ARNT2: variants seen among roughly 807,000 people sequenced by gnomAD.
ARNT2 encodes aryl hydrocarbon receptor nuclear translocator 2.
ARNT2 carries 36 observed loss-of-function variants against 91.7 expected under a neutral mutation model. That is an observed-to-expected ratio of 0.39 (90% CI 0.30 to 0.52). The LOEUF (loss-of-function observed/expected upper bound fraction) is 0.52, where lower values mean the gene tolerates loss of function less well. ARNT2 is among the 20% of genes least tolerant of loss of function. ARNT2 has a pLI of 0.72. For missense variants in ARNT2, 775 were observed against 939.3 expected (o/e 0.83, Z 2.29); for synonymous variants, 365 against 347.1 (o/e 1.05, Z -0.57).
chr15:80,580,319 A>T, intron 15 of ARNT2, 92 bp from the exon 16 acceptor site: 1 of 1,483,654 alleles, frequency 6.7e-7, no homozygotes, highest in Non-Finnish European at 9.3e-7. Context: ...AGCCAGGAAG[A>T]TGGCCCAGGG....
intron 1 of ARNT2, among the ~76,000 whole-genome samples, chr15:80,432,661 G>A (rs1896027847): frequency 6.6e-6 from 1 of 152,122 alleles, no homozygotes; most frequent in Admixed American, 6.5e-5. Context: ...AGGTGGTGCA[G>A]GTGGAGATGG....
intron 14 of ARNT2, among the ~76,000 whole-genome samples, chr15:80,576,516 A>G (rs569631199): frequency 4.3e-4 from 65 of 152,290 alleles, no homozygotes; most frequent in Admixed American, 3.9e-3. Context: ...ACCTCAAGTG[A>G]TCCGCCTGCC....
intron 1 of ARNT2, among the ~76,000 whole-genome samples, chr15:80,449,209 T>TC (rs1393772794): frequency 6.6e-6 from 1 of 152,210 alleles, no homozygotes; most frequent in Non-Finnish European, 1.5e-5. Context: ...ACAGCTTTTT[T>TC]CTTAACTTAT....
rs773189121 is a variant in ARNT2 at position 80,576,980 on chromosome 15, G to A, written c.1613+15G>A. On this transcript the variant is annotated intron_variant, in intron 15 of 18. Coordinates refer to ENST00000303329, the MANE Select transcript of ARNT2 (RefSeq NM_014862.4). ...AAGGCCTTCAGGTATGTGCCAGCGA[G>A]GGGGACAATGGCGTGGGAAGATGCT... The A allele has an allele frequency of 2.5e-6, 4 of 1,612,158 alleles. No individual in the cohort carries two copies. Among genetic ancestry groups the A allele is most frequent in the East Asian group, 2.2e-5 (1 of 44,866 alleles).
At chr15:80,495,912 T>C (rs1301949199) in intron 5 of ARNT2, among the ~76,000 whole-genome samples, 4 of 152,246 alleles carry the variant, frequency 2.6e-5, no homozygotes, top group African/African-American at 7.2e-5. Flanking sequence ...AAGCTTTCCC[T>C]GACCCAGTCT....
At chr15:80,490,103 G>A (rs963567957) in intron 5 of ARNT2, among the ~76,000 whole-genome samples, 3 of 152,152 alleles carry the variant, frequency 2.0e-5, no homozygotes, top group African/African-American at 7.2e-5. Flanking sequence ...AGCACTCCCA[G>A]GAGAAAGTGG....
intron 3 of ARNT2, among the ~76,000 whole-genome samples, chr15:80,462,114 C>T (rs1259487175): frequency 1.3e-5 from 2 of 152,112 alleles, no homozygotes; most frequent in African/African-American, 2.4e-5. Flanking sequence ...CCCAGCACGT[C>T]CTGCAACCTC....
intron 2 of ARNT2, among the ~76,000 whole-genome samples, chr15:80,455,724 G>C (rs1896472275): frequency 6.6e-6 from 1 of 152,122 alleles, no homozygotes; most frequent in African/African-American, 2.4e-5. Flanking sequence ...GATCATGAAG[G>C]CTGAGGACAG....
At chr15:80,525,074 T>A (rs955787658) in intron 8 of ARNT2, among the ~76,000 whole-genome samples, 15 of 78,030 alleles carry the variant, frequency 1.9e-4, no homozygotes, top group African/African-American at 4.8e-4. Context: ...TTTCTATTCA[T>A]TTCTGTATTT....
intron 1 of ARNT2, among the ~76,000 whole-genome samples, chr15:80,429,928 G>A (rs926461734): frequency 6.6e-6 from 1 of 152,088 alleles, no homozygotes; most frequent in African/African-American, 2.4e-5. Context: ...CCCCCACCAG[G>A]TACCTCTTTC....
intron 12 of ARNT2, among the ~76,000 whole-genome samples, chr15:80,570,170 T>C (rs985737709): frequency 2.6e-5 from 4 of 152,228 alleles, no homozygotes; most frequent in Admixed American, 2.6e-4. Context: ...GAGTCATATG[T>C]GTTCCATATT....
intron 5 of ARNT2, among the ~76,000 whole-genome samples, chr15:80,489,819 G>T (rs186180450): frequency 4.7e-4 from 72 of 152,300 alleles, no homozygotes; most frequent in Non-Finnish European, 4.0e-4. Context: ...CAGCCATGGT[G>T]GGGGGTTAAG....
chr15:80,550,500 A>G (rs1275056944), intron 8 of ARNT2, among the ~76,000 whole-genome samples: 4 of 152,210 alleles, frequency 2.6e-5, no homozygotes, highest in Non-Finnish European at 5.9e-5. Flanking sequence ...TGTTTTCACT[A>G]CGACAGTTCT....
Position 80,475,117 on chromosome 15 carries a change from C to T in ARNT2, c.516C>T (p.Asn172=). ...CTGACTCCGTCACCCCTGTTCTGAA[C>T]CAGCCCCAGTCAGAGTGGTTTGGGA... ...YVSDSVTPVL[N]QPQSEWFGST... The change falls in exon 5 of 19, where the codon AAC becomes AAT. Residue 172 remains asparagine (N), a synonymous_variant. Transcript: ENST00000303329. 6 of 1,614,212 alleles carry T rather than the reference C, an allele frequency of 3.7e-6. No homozygotes were observed. Among genetic ancestry groups the T allele is most frequent in the Non-Finnish European group, 4.2e-6 (5 of 1,180,056 alleles).
Position 80,563,089 on chromosome 15 carries a change from T to A in ARNT2, c.1166T>A (p.Val389Glu). 1 of 1,614,170 alleles carries A rather than the reference T, an allele frequency of 6.2e-7. No individual in the cohort carries two copies. The highest frequency in any genetic ancestry group is 8.5e-7 in the Non-Finnish European group (1 of 1,180,030). ...QSHLRESFQQ[V>E]VKLKGQVLSV... Reference sequence around the variant, plus strand: ...TTCCTTCTCCAAATGTTTTCTCAGGTGGTTAAGCTGAAAGGCCAAGTCCTG... The same window carrying A: ...TTCCTTCTCCAAATGTTTTCTCAGGAGGTTAAGCTGAAAGGCCAAGTCCTG... Residue 389 changes from valine (V) to glutamate (E), a missense_variant and splice_region_variant, in exon 12 of 19, where the codon GTG becomes GAG. Val to Glu is a moderately radical substitution (Grantham distance 121, BLOSUM62 -2). Transcript: ENST00000303329.
chr15:80,575,143 G>A (rs1468226788), intron 14 of ARNT2, 33 bp downstream of exon 14: 5 of 1,608,030 alleles, frequency 3.1e-6, no homozygotes, highest in Admixed American at 1.7e-5. Context: ...GGTTTTGAGA[G>A]TGTGGGTTTA....
chr15:80,560,173 G>A (rs1259448271), intron 11 of ARNT2: 4 of 152,364 alleles, frequency 2.6e-5, no homozygotes, highest in Non-Finnish European at 4.4e-5. Context: ...TGTTTCTGTA[G>A]TGGCAGCAAG....
chr15:80,587,963 A>T (rs774098654), intron 17 of ARNT2, among the ~76,000 whole-genome samples: 2 of 152,200 alleles, frequency 1.3e-5, no homozygotes, highest in African/African-American at 4.8e-5. Context: ...ATGTTACTAC[A>T]TAGACCGCGG....
At chr15:80,455,318 C>T (rs762107513) in intron 2 of ARNT2, among the ~76,000 whole-genome samples, 11 of 152,152 alleles carry the variant, frequency 7.2e-5, no homozygotes, top group Non-Finnish European at 1.2e-4. Flanking sequence ...GGTTCGCCTC[C>T]GAATTCCTAG....
Sources: gnomAD v4.1 joint callset for allele counts (sites outside exome capture counted in the v4.1 genomes callset) on GRCh38, gnomAD v4.1.1 for gene constraint, MANE v1.5 for transcripts, NCBI Gene and HGNC (gene_info 2026-07-23, HGNC 2026-07-21) for gene names.